The following CFAP20DC variants were observed in gnomAD, a reference collection of about 807,000 sequenced individuals.
CFAP20DC encodes the protein protein CFAP20DC.
CFAP20DC carries 84 observed loss-of-function variants against 101.7 expected under a neutral mutation model. The ratio of observed to expected loss-of-function variants is 0.83; its 90% CI spans 0.69 to 0.99. The LOEUF is 0.99. Among genes scored for constraint, CFAP20DC ranks in the 50% least tolerant of loss-of-function variants. The pLI, the probability that CFAP20DC is intolerant of heterozygous loss-of-function variation, is 0.00. For missense variants in CFAP20DC, 1,007 were observed against 970.3 expected (o/e 1.04, Z -0.50); for synonymous variants, 359 against 351.2 (o/e 1.02, Z -0.25).
At chr3:58,850,588 C>CA (rs1302854050) in intron 12 of CFAP20DC, among the ~76,000 whole-genome samples, 1,105 of 56,232 alleles carry the variant, frequency 0.02, 1 homozygote, top group Middle Eastern at 0.076. Flanking sequence ...AACTCCATCT[C>CA]AAAAAAAAAA....
At chr3:58,737,398 A>G (rs1017916117), downstream of CFAP20DC, among the ~76,000 whole-genome samples, 2 of 152,012 alleles carry the variant, frequency 1.3e-5, no homozygotes, top group African/African-American at 4.8e-5. This position sits in a 1 kb window ranked among gnomAD's most constrained non-coding sequence, Gnocchi z 4.1. Context: ...TGGGGGACAC[A>G]TTTCTTGAGT....
At chr3:58,933,640 A>G (rs1015125423) in intron 5 of CFAP20DC, among the ~76,000 whole-genome samples, 20 of 152,334 alleles carry the variant, frequency 1.3e-4, no homozygotes, top group Middle Eastern at 3.4e-3. Context: ...ACTCAACTAC[A>G]TGGAAACTGA....
rs1186760027 is a variant in CFAP20DC at position 59,049,770 on chromosome 3, T to G, written c.-139A>C. The G allele has an allele frequency of 9.7e-7, 1 of 1,032,498 alleles. No individual in the cohort carries two copies. The highest frequency in any genetic ancestry group is 1.4e-6 in the Non-Finnish European group (1 of 723,212). 64.0% of individuals were successfully genotyped at this position (1,032,498 alleles called of 1,614,324 possible). On this transcript the variant is annotated 5_prime_UTR_variant, in exon 1 of 17. Coordinates refer to ENST00000482387, the MANE Select transcript of CFAP20DC (RefSeq NM_001394063.1). Reference sequence around the variant, plus strand: ...AAGGGCTTCGTGCTTGGCCCAGACTTGGGCAGGCTCTTCTCAGCCCCTCCG... The same window carrying G: ...AAGGGCTTCGTGCTTGGCCCAGACTGGGGCAGGCTCTTCTCAGCCCCTCCG...
intron 3 of CFAP20DC, among the ~76,000 whole-genome samples, chr3:58,735,179 T>C (rs1437450145): frequency 2.0e-5 from 3 of 152,220 alleles, no homozygotes; most frequent in African/African-American, 7.2e-5. Context: ...GTGGCTTCCA[T>C]CATTTTCACG....
intron 13 of CFAP20DC, among the ~76,000 whole-genome samples, chr3:58,842,295 C>T (rs1234036077): frequency 1.3e-5 from 2 of 152,014 alleles, no homozygotes; most frequent in South Asian, 2.1e-4. Context: ...TGGGCGCAGG[C>T]CAGTGGGTGC....
chr3:58,881,243 G>C (rs373280848), intron 7 of CFAP20DC, among the ~76,000 whole-genome samples: 3 of 152,236 alleles, frequency 2.0e-5, no homozygotes, highest in African/African-American at 7.2e-5. Context: ...GGCTGCTGTG[G>C]ACAGGAGGGC....
intron 4 of CFAP20DC, among the ~76,000 whole-genome samples, chr3:59,012,782 A>G (rs568264477): frequency 1.3e-5 from 2 of 152,296 alleles, no homozygotes; most frequent in East Asian, 3.9e-4. Flanking sequence ...AAAAAGAGAA[A>G]TAAGACTTGA....
At chr3:58,716,415 G>A (rs920888770), downstream of CFAP20DC, among the ~76,000 whole-genome samples, 7 of 151,614 alleles carry the variant, frequency 4.6e-5, no homozygotes, top group African/African-American at 1.5e-4. Context: ...CACCCGCCTC[G>A]GCCTCCCAAA....
intron 3 of CFAP20DC, among the ~76,000 whole-genome samples, chr3:59,045,441 A>T (rs770113861): frequency 1.3e-5 from 2 of 152,108 alleles, no homozygotes; most frequent in Non-Finnish European, 1.5e-5. Flanking sequence ...AAAACATAGG[A>T]CGTAGTTGAT....
intron 15 of CFAP20DC, among the ~76,000 whole-genome samples, chr3:58,772,302 C>T (rs948131729): frequency 6.6e-6 from 1 of 152,058 alleles, no homozygotes; most frequent in Admixed American, 6.6e-5. Flanking sequence ...GAAAAGTAGG[C>T]ACATATGTGA....
At chr3:59,004,831 A>G (rs1254552324) in intron 4 of CFAP20DC, among the ~76,000 whole-genome samples, 1 of 152,172 alleles carries the variant, frequency 6.6e-6, no homozygotes, top group African/African-American at 2.4e-5. Flanking sequence ...TTGTGATTTG[A>G]GCATCCCCAC....
In CFAP20DC at chr3:58,859,938, G is replaced by A. The variant is rs181445983; in HGVS notation, c.1593+3620C>T. ...TCATGCCTGTAATCCCAGCACTTTC[G>A]GAAGCCGAGGCAGGCAGATCACGAG... On this transcript the variant is annotated intron_variant, in intron 12 of 16. Coordinates refer to ENST00000482387, the MANE Select transcript of CFAP20DC (RefSeq NM_001394063.1). The surrounding 1 kb of genome is among the most constrained non-coding windows in gnomAD (Gnocchi z 4.1). 9.7e-4 allele frequency among the ~76,000 whole-genome samples: 148 copies of A among 152,086 alleles called. No individual in the cohort carries two copies. The highest frequency in any genetic ancestry group is 3.9e-3 in the East Asian group (20 of 5,174).
intron 4 of CFAP20DC, among the ~76,000 whole-genome samples, chr3:59,035,095 G>C (rs915958172): frequency 1.3e-5 from 2 of 152,118 alleles, no homozygotes; most frequent in African/African-American, 4.8e-5. Context: ...AATGACTACT[G>C]GGTAAATAAT....
rs2091955686 is a variant in CFAP20DC, at chr3:58,971,675, T to C, written c.279-33913A>G. On this transcript the variant is annotated intron_variant, in intron 4 of 16. Transcript: ENST00000482387. The surrounding 1 kb of genome is among the most constrained non-coding windows in gnomAD (Gnocchi z 4.1). ...CATAAGGATCTAGATAAATAGGTTATGTTCTAGCCATGCAATGGTATATAT... is the reference window on the plus strand; with the variant it reads ...CATAAGGATCTAGATAAATAGGTTACGTTCTAGCCATGCAATGGTATATAT... Among the ~76,000 whole-genome samples the C allele has an allele frequency of 6.6e-6, 1 of 152,120 alleles. No individual in the cohort carries two copies. The highest frequency in any genetic ancestry group is 6.6e-5 in the Admixed American group (1 of 15,234).
chr3:58,851,535 T>C (rs193141532), intron 12 of CFAP20DC, among the ~76,000 whole-genome samples: 30 of 152,224 alleles, frequency 2.0e-4, no homozygotes, highest in African/African-American at 6.0e-4. Flanking sequence ...ACAACTGTGC[T>C]CTCAAGAAAG....
At chr3:58,872,579 C>T (rs2080323866) in intron 7 of CFAP20DC, among the ~76,000 whole-genome samples, 1 of 152,028 alleles carries the variant, frequency 6.6e-6, no homozygotes, top group South Asian at 2.1e-4. Context: ...GAACAGGAGA[C>T]ATGAGGTAGA....
intron 4 of CFAP20DC, among the ~76,000 whole-genome samples, chr3:58,980,738 C>T (rs945094364): frequency 6.6e-6 from 1 of 152,218 alleles, no homozygotes; most frequent in African/African-American, 2.4e-5. Flanking sequence ...GACAAACCCA[C>T]AGCGAATATC....
At chr3:58,856,886 G>C (rs12630323) in intron 12 of CFAP20DC, among the ~76,000 whole-genome samples, 15,986 of 152,038 alleles carry the variant, frequency 0.11, 1,437 homozygotes, top group East Asian at 0.35. Context: ...TCCTGTAATT[G>C]TCATACACAA....
rs2078002296 is a variant in CFAP20DC at position 58,849,186 on chromosome 3, GA to G, written c.1816del (p.Ser606LeufsTer17). 1 of 1,535,984 alleles carries G rather than the reference GA, an allele frequency of 6.5e-7. No individual in the cohort carries two copies. The highest frequency in any genetic ancestry group is 1.4e-5 in the African/African-American group (1 of 73,044). On this transcript the variant is annotated frameshift_variant, in exon 13 of 17. Transcript: ENST00000482387. LOFTEE classifies it high-confidence loss of function. Reference sequence around the variant, plus strand: ...GGACCCACACCTTCTTCCAGTTGGAGAAAGGCATGTTGTAGGCAACAAACTC... The same window carrying G: ...GGACCCACACCTTCTTCCAGTTGGAGAAGGCATGTTGTAGGCAACAAACTC... ...EMSLLPTTCL[S>X]PTGRRCGSCQ... is the part of the protein sequence containing the mutation.
Sources: allele counts gnomAD v4.1 joint callset (sites outside exome capture counted in the v4.1 genomes callset), GRCh38; gene constraint gnomAD v4.1.1; non-coding constraint Gnocchi (gnomAD v3.1); transcripts MANE v1.5; gene names NCBI Gene and HGNC (gene_info 2026-07-23, HGNC 2026-07-21).